The following XKR6 variants were observed in gnomAD, a reference collection of about 807,000 sequenced individuals.
The protein encoded by XKR6 is XK-related protein 6.
Under a neutral mutation model 56.7 loss-of-function variants are expected in XKR6, and 22 were observed. That is an observed-to-expected ratio of 0.39 (90% confidence interval 0.28 to 0.55). The LOEUF is 0.55. Among genes scored for constraint, XKR6 ranks in the 20% least tolerant of loss-of-function variants. The pLI is 0.66. For synonymous variants in XKR6, 524 were observed against 387.8 expected (o/e 1.35, Z -4.13); for missense variants, 852 against 889.0 (o/e 0.96, Z 0.53).
chr8:11,154,542 C>A (rs1481388255), intron 1 of XKR6, among the ~76,000 whole-genome samples: 1 of 152,194 alleles, frequency 6.6e-6, no homozygotes, highest in Non-Finnish European at 1.5e-5. Flanking sequence ...TTCTATGAGT[C>A]CTTCCAGCAA....
intron 1 of XKR6, among the ~76,000 whole-genome samples, chr8:10,968,755 G>C (rs994547631): frequency 6.6e-6 from 1 of 152,218 alleles, no homozygotes; most frequent in Non-Finnish European, 1.5e-5. Context: ...GGGACTTTGA[G>C]GAAGAACAGA....
chr8:11,181,910 T>A lies in XKR6; in HGVS notation c.764+18666A>T, dbSNP rs553837845. ...CTCTGTTGCCCAGGTTGGAGTGCAG[T>A]GGCGAGATCTCAGCTCCCTGAAACC... On this transcript the variant is annotated intron_variant, in intron 1 of 2. Coordinates refer to ENST00000416569, the MANE Select transcript of XKR6 (RefSeq NM_173683.4). 4.3e-4 allele frequency among the ~76,000 whole-genome samples: 65 copies of A among 152,208 alleles called. No homozygotes were observed. The Middle Eastern group carries it at 0.017, about 40-fold the overall frequency.
At chr8:11,099,655 G>A (rs1798392621) in intron 1 of XKR6, among the ~76,000 whole-genome samples, 1 of 152,170 alleles carries the variant, frequency 6.6e-6, no homozygotes. Context: ...TCATTCACTC[G>A]CTCAAATATT....
intron 1 of XKR6, among the ~76,000 whole-genome samples, chr8:11,199,227 C>T (rs544196371): frequency 3.9e-5 from 6 of 152,340 alleles, no homozygotes; most frequent in African/African-American, 1.4e-4. Context: ...CGGAACCACC[C>T]TCACTTCCCC....
intron 1 of XKR6, among the ~76,000 whole-genome samples, chr8:11,165,666 T>C (rs1359846299): frequency 6.6e-6 from 1 of 152,136 alleles, no homozygotes; most frequent in Non-Finnish European, 1.5e-5. Context: ...ACTGTACTCC[T>C]GAAAAATTAA....
At chr8:10,970,072 T>C (rs1185015198) in intron 1 of XKR6, among the ~76,000 whole-genome samples, 1 of 152,230 alleles carries the variant, frequency 6.6e-6, no homozygotes, top group East Asian at 1.9e-4. Flanking sequence ...ACGATTTCAC[T>C]GGGCTGTCAC....
chr8:11,040,829 C>T (rs1024998079), intron 1 of XKR6, among the ~76,000 whole-genome samples: 3 of 152,168 alleles, frequency 2.0e-5, no homozygotes, highest in African/African-American at 7.2e-5. Flanking sequence ...CTGGCTGTAG[C>T]TAATGGCCTC....
intron 1 of XKR6, among the ~76,000 whole-genome samples, chr8:10,978,023 G>C (rs149394779): frequency 6.6e-5 from 10 of 152,060 alleles, no homozygotes; most frequent in African/African-American, 2.4e-4. Flanking sequence ...TATAAACCTA[G>C]TGGGTCTGCC....
intron 1 of XKR6, among the ~76,000 whole-genome samples, chr8:10,976,886 G>C (rs1480369525): frequency 6.6e-6 from 1 of 152,174 alleles, no homozygotes; most frequent in East Asian, 1.9e-4. Context: ...GCCCCAGTGG[G>C]CTGGGGGGCT....
intron 1 of XKR6, among the ~76,000 whole-genome samples, chr8:11,057,105 G>A (rs567953800): frequency 1.3e-5 from 2 of 152,226 alleles, no homozygotes; most frequent in Admixed American, 6.5e-5. Flanking sequence ...TTGATGCCCC[G>A]ACCCAATCGA....
Position 10,958,970 on chromosome 8 carries a change from G to C in XKR6, c.765-34140C>G, listed in dbSNP as rs188941521. On this transcript the variant is annotated intron_variant, in intron 1 of 2. Transcript: ENST00000416569. ...AGCTACAGCTGCATTTCAACAGGAA[G>C]GCATCAAGCCTGAGAACATGGCTTA... Among the ~76,000 whole-genome samples the C allele has an allele frequency of 5.6e-4, 86 of 152,344 alleles. 1 individual carries two copies. Among genetic ancestry groups the C allele is most frequent in the Admixed American group, 5.3e-3 (81 of 15,306 alleles).
At position 10,897,941 on chromosome 8, in the gene XKR6, T is replaced by A; in HGVS notation, c.*11A>T. On this transcript the variant is annotated 3_prime_UTR_variant, in exon 3 of 3. Coordinates refer to ENST00000416569, the MANE Select transcript of XKR6 (RefSeq NM_173683.4). ...ACTTAAGGTCCCCTTCTCAACTTGG[T>A]CAAGATGCTCTTAGAGTGAAGACTC... The A allele has an allele frequency of 1.3e-6, 2 of 1,542,224 alleles. No individual in the cohort carries two copies. Among genetic ancestry groups the A allele is most frequent in the South Asian group, 2.5e-5 (2 of 79,072 alleles).
chr8:11,147,092 TTAA>T (rs578255580), intron 1 of XKR6, among the ~76,000 whole-genome samples: 19 of 151,216 alleles, frequency 1.3e-4, no homozygotes, highest in South Asian at 6.3e-4. Flanking sequence ...TACCACAAAA[TTAA>T]TAATAATAAT....
intron 1 of XKR6, among the ~76,000 whole-genome samples, chr8:11,078,061 C>T (rs918574354): frequency 2.6e-5 from 4 of 152,306 alleles, no homozygotes; most frequent in South Asian, 2.1e-4. Flanking sequence ...CCGACAGTGG[C>T]GCTGTTAAAG....
chr8:11,184,782 T>G (rs991107692), intron 1 of XKR6, among the ~76,000 whole-genome samples: 5 of 152,158 alleles, frequency 3.3e-5, no homozygotes, highest in African/African-American at 1.2e-4. Flanking sequence ...TCAACCCGCC[T>G]CAGCCTCCCA....
At chr8:10,914,165 G>A (rs766631081) in intron 2 of XKR6, among the ~76,000 whole-genome samples, 7 of 135,920 alleles carry the variant, frequency 5.2e-5, no homozygotes, top group African/African-American at 1.2e-4. Flanking sequence ...GGCTCAGAGA[G>A]TGCCCCCCAC....
intron 1 of XKR6, among the ~76,000 whole-genome samples, chr8:11,052,684 T>G (rs917640040): frequency 3.9e-5 from 6 of 151,996 alleles, no homozygotes; most frequent in African/African-American, 1.4e-4. Flanking sequence ...GAGTTAAAGC[T>G]GGTGTCCTCT....
At position 11,181,249 on chromosome 8, in the gene XKR6, G is replaced by T. The variant is rs183976894; in HGVS notation, c.764+19327C>A. Among the ~76,000 whole-genome samples, 154 of 152,272 alleles carry T rather than the reference G, an allele frequency of 1.0e-3. 1 individual carries two copies. Among genetic ancestry groups the T allele is most frequent in the African/African-American group, 3.4e-3 (140 of 41,554 alleles). ...ACTGAAGAGTGGTGAACGTTTTTCA[G>T]TCAAAAGCTTACATATGTATGATAT... On this transcript the variant is annotated intron_variant, in intron 1 of 2. Coordinates refer to ENST00000416569, the MANE Select transcript of XKR6 (RefSeq NM_173683.4).
At chr8:11,059,146 GC>G (rs1799762033) in intron 1 of XKR6, among the ~76,000 whole-genome samples, 3 of 152,208 alleles carry the variant, frequency 2.0e-5, no homozygotes, top group Non-Finnish European at 4.4e-5. Context: ...CCCAGAGCCT[GC>G]ATCCACGGCG....
Sources: allele counts gnomAD v4.1 joint callset (sites outside exome capture counted in the v4.1 genomes callset), GRCh38; gene constraint gnomAD v4.1.1; transcripts MANE v1.5; gene names NCBI Gene and HGNC (gene_info 2026-07-23, HGNC 2026-07-21).